Variants in PCP4 observed in about 807,000 individuals in gnomAD.
PCP4 encodes Purkinje cell protein 4.
Under a neutral mutation model 10.0 loss-of-function variants are expected in PCP4, and 8 were observed. That is an observed-to-expected ratio of 0.80 (90% CI 0.47 to 1.45). The LOEUF (loss-of-function observed/expected upper bound fraction) is 1.45. Among genes scored for constraint, PCP4 ranks in the 40% most tolerant of loss-of-function variants. PCP4 has a pLI of 0.00. For synonymous variants in PCP4, 21 were observed against 23.0 expected (o/e 0.91, Z 0.24); for missense variants, 54 against 74.4 (o/e 0.73, Z 1.01).
At chr21:39,878,422 C>A (rs1035434984) in intron 1 of PCP4, among the ~76,000 whole-genome samples, 2 of 152,188 alleles carry the variant, frequency 1.3e-5, no homozygotes, top group Non-Finnish European at 2.9e-5. Flanking sequence ...TGTATAGATA[C>A]ATGTCCATTA....
intron 1 of PCP4, among the ~76,000 whole-genome samples, chr21:39,885,789 A>G (rs917722270): frequency 3.9e-5 from 6 of 152,242 alleles, no homozygotes; most frequent in African/African-American, 7.2e-5. Flanking sequence ...GCGTGCTTCT[A>G]TCAGCTCCTG....
intron 2 of PCP4, among the ~76,000 whole-genome samples, chr21:39,924,270 G>C (rs997258351): frequency 6.6e-6 from 1 of 152,158 alleles, no homozygotes; most frequent in African/African-American, 2.4e-5. Context: ...GTGTTGATCT[G>C]AACATAAACC....
At chr21:39,874,812 G>C (rs1261804179) in intron 1 of PCP4, among the ~76,000 whole-genome samples, 2 of 152,014 alleles carry the variant, frequency 1.3e-5, no homozygotes, top group Non-Finnish European at 1.5e-5. Context: ...CAGATGCCCG[G>C]TGAATGGCTG....
In PCP4 at chr21:39,913,179, C is replaced by T. The variant is rs143791400; in HGVS notation, c.61+14652C>T. 1.9e-3 allele frequency among the ~76,000 whole-genome samples: 292 copies of T among 152,088 alleles called. 1 individual carries two copies. Among genetic ancestry groups the T allele is most frequent in the African/African-American group, 6.6e-3 (274 of 41,456 alleles). Reference sequence around the variant, plus strand: ...AAAAAGGTACAGAGCTTAAAATGACCCATCTTTAAAAAGGTATTTCCAAGA... The same window carrying T: ...AAAAAGGTACAGAGCTTAAAATGACTCATCTTTAAAAAGGTATTTCCAAGA... On this transcript the variant is annotated intron_variant, in intron 2 of 2. Coordinates refer to ENST00000328619, the MANE Select transcript of PCP4 (RefSeq NM_006198.3).
At chr21:39,892,677 C>T (rs1307238231) in intron 1 of PCP4, among the ~76,000 whole-genome samples, 1 of 152,176 alleles carries the variant, frequency 6.6e-6, no homozygotes, top group East Asian at 1.9e-4. Context: ...ATGGGGTATG[C>T]ATTCCCTTAA....
At chr21:39,924,232 T>A (rs1214394147) in intron 2 of PCP4, among the ~76,000 whole-genome samples, 1 of 152,174 alleles carries the variant, frequency 6.6e-6, no homozygotes, top group Non-Finnish European at 1.5e-5. Flanking sequence ...CCCAGTACAG[T>A]GTGGCCTGTG....
chr21:39,877,770 G>GT (rs1175113276), intron 1 of PCP4, among the ~76,000 whole-genome samples: 3 of 152,120 alleles, frequency 2.0e-5, no homozygotes, highest in Non-Finnish European at 4.4e-5. Flanking sequence ...GTTTTCTTTT[G>GT]TTTTGCCTGG....
intron 1 of PCP4, among the ~76,000 whole-genome samples, chr21:39,888,556 T>G (rs1342240226): frequency 1.3e-5 from 2 of 152,146 alleles, no homozygotes; most frequent in Non-Finnish European, 2.9e-5. Flanking sequence ...ACGCAGCTGG[T>G]GGGGACAGTC....
chr21:39,869,818 GT>G (rs1186443751), intron 1 of PCP4, among the ~76,000 whole-genome samples: 3 of 152,232 alleles, frequency 2.0e-5, no homozygotes, highest in Non-Finnish European at 4.4e-5. Context: ...GTGGCTCCTA[GT>G]TTTAATAACT....
intron 1 of PCP4, among the ~76,000 whole-genome samples, chr21:39,889,770 T>C (rs897929935): frequency 1.3e-5 from 2 of 152,168 alleles, no homozygotes; most frequent in Admixed American, 1.3e-4. Flanking sequence ...GCTAGAGGCA[T>C]ACATTCAGAA....
chr21:39,886,939 A>G (rs568984729), intron 1 of PCP4, among the ~76,000 whole-genome samples: 11 of 152,326 alleles, frequency 7.2e-5, no homozygotes, highest in African/African-American at 2.4e-4. Context: ...TTGCTCATTT[A>G]TGTTCCAAAA....
chr21:39,921,272 A>G (rs950205805), intron 2 of PCP4, among the ~76,000 whole-genome samples: 6 of 152,320 alleles, frequency 3.9e-5, no homozygotes, highest in African/African-American at 1.4e-4. Context: ...AGCTTGGTCT[A>G]CATCTAAGGA....
intron 2 of PCP4, chr21:39,926,017 G>A (rs2087619436): frequency 2.2e-6 from 1 of 456,016 alleles, no homozygotes; most frequent in South Asian, 1.5e-5. Context: ...GTGCCACCGA[G>A]TCTAATTGGT....
chr21:39,906,866 T>C lies in PCP4; in HGVS notation c.61+8339T>C, dbSNP rs927181266. ...GGAAACCTGCCCCAAGCAGGAGATA[T>C]TCCAGGTTTCAAATGTTTCAGGTTC... On this transcript the variant is annotated intron_variant, in intron 2 of 2. Transcript: ENST00000328619. The surrounding 1 kb of genome is among the most constrained non-coding windows in gnomAD (Gnocchi z 6.3). Among the ~76,000 whole-genome samples the C allele has an allele frequency of 6.6e-6, 1 of 152,186 alleles. No homozygotes were observed. The highest frequency in any genetic ancestry group is 1.5e-5 in the Non-Finnish European group (1 of 68,046).
At chr21:39,898,428 G>T (rs766732498) in intron 1 of PCP4, 48 bp from the exon 2 acceptor site, 1 of 1,442,714 alleles carries the variant, frequency 6.9e-7, no homozygotes, top group Non-Finnish European at 9.7e-7. Flanking sequence ...AAGTAATCCC[G>T]AGTATATCTG....
At chr21:39,897,385 CAA>C (rs34312418) in intron 1 of PCP4, among the ~76,000 whole-genome samples, 31 of 87,602 alleles carry the variant, frequency 3.5e-4, no homozygotes, top group Admixed American at 4.1e-4. Context: ...GACTCTGTCT[CAA>C]AAAAAAAAAA....
chr21:39,882,702 C>A (rs1366706168), intron 1 of PCP4, among the ~76,000 whole-genome samples: 3 of 152,280 alleles, frequency 2.0e-5, no homozygotes, highest in Non-Finnish European at 2.9e-5. Context: ...ACTGGCCCTG[C>A]CTGTTGGTTT....
intron 1 of PCP4, among the ~76,000 whole-genome samples, chr21:39,880,130 GTATCTATATC>G (rs1202084824): frequency 7.1e-6 from 1 of 141,518 alleles, no homozygotes; most frequent in East Asian, 2.2e-4. Flanking sequence ...ATCTATATCT[GTATCTATATC>G]TATATCTATA....
At chr21:39,928,677 A>G (rs2087636370) in intron 2 of PCP4, among the ~76,000 whole-genome samples, 2 of 152,224 alleles carry the variant, frequency 1.3e-5, no homozygotes, top group African/African-American at 4.8e-5. Flanking sequence ...AGAAAGTAAC[A>G]GCACAGCCAG....
Sources: gnomAD v4.1 joint callset for allele counts (sites outside exome capture counted in the v4.1 genomes callset) on GRCh38, gnomAD v4.1.1 for gene constraint, Gnocchi (gnomAD v3.1) non-coding constraint, MANE v1.5 for transcripts, NCBI Gene and HGNC (gene_info 2026-07-23, HGNC 2026-07-21) for gene names.